Variants in DAP3 observed in about 807,000 individuals in gnomAD.
DAP3 encodes the protein death associated protein 3.
In DAP3, 28 loss-of-function variants were observed where a neutral mutation model predicts 51.9. The observed-to-expected ratio is 0.54, with a 90% CI of 0.40 to 0.74. The LOEUF is 0.74. Among genes scored for constraint, DAP3 ranks in the 30% least tolerant of loss-of-function variants. DAP3 has a pLI of 0.00. For synonymous variants in DAP3, 170 were observed against 170.3 expected (o/e 1.00, Z 0.01); for missense variants, 458 against 483.5 (o/e 0.95, Z 0.49).
At chr1:155,722,039 A>T in intron 4 of DAP3, 1 of 207,436 alleles carries the variant, frequency 4.8e-6, no homozygotes, top group Non-Finnish European at 9.8e-6. Context: ...TGTGCAGGTG[A>T]GTTTTAGCAT....
chr1:155,714,930 C>T (rs922724606), intron 2 of DAP3, among the ~76,000 whole-genome samples: 5 of 150,730 alleles, frequency 3.3e-5, no homozygotes, highest in Admixed American at 6.6e-5. Flanking sequence ...AGGCTGGGCA[C>T]GGTGGCTCAC....
At chr1:155,707,633 C>G (rs1051268451) in intron 1 of DAP3, among the ~76,000 whole-genome samples, 1 of 152,048 alleles carries the variant, frequency 6.6e-6, no homozygotes. Context: ...ATCCATTATC[C>G]AGTGTTAGTT....
At chr1:155,695,771 T>C (rs1423202375) in intron 1 of DAP3, among the ~76,000 whole-genome samples, 2 of 152,212 alleles carry the variant, frequency 1.3e-5, no homozygotes, top group Non-Finnish European at 2.9e-5. Context: ...TTTAGCTCTT[T>C]GGACTGAGGA....
In DAP3 at chr1:155,738,406, C is replaced by A; in HGVS notation, c.*164C>A. ...TGGACCTGCATTAAAATGGGTTTCA[C>A]TGTGAATGCGTGACAATAAGATATT... On this transcript the variant is annotated 3_prime_UTR_variant, in exon 13 of 13. Coordinates refer to ENST00000368336, the MANE Select transcript of DAP3 (RefSeq NM_004632.4). The A allele has an allele frequency of 1.8e-6, 1 of 567,054 alleles. No individual in the cohort carries two copies. Among genetic ancestry groups the A allele is most frequent in the Non-Finnish European group, 3.0e-6 (1 of 329,064 alleles). The allele number at this position is 567,054 out of a possible 1,614,324, so 35.1% of individuals were successfully genotyped here.
upstream of DAP3, chr1:155,688,462 C>T (rs1446525132): frequency 3.2e-6 from 5 of 1,549,854 alleles, no homozygotes; most frequent in African/African-American, 1.4e-5. Context: ...CGACTCCGGC[C>T]ATGTAGCGCG....
chr1:155,688,574 C>A (rs1427654619), upstream of DAP3: 4 of 1,537,514 alleles, frequency 2.6e-6, no homozygotes, highest in South Asian at 2.4e-5. Flanking sequence ...CCCGTACGCG[C>A]TCACCCACGG....
Position 155,727,593 on chromosome 1 carries a change from C to G in DAP3, c.473-15C>G, listed in dbSNP as rs779631240. 1 of 1,607,892 alleles carries G rather than the reference C, an allele frequency of 6.2e-7. No homozygotes were observed. The highest frequency in any genetic ancestry group is 8.5e-7 in the Non-Finnish European group (1 of 1,177,346). ...TTCTGCCTGGCTTGTTTTCTTCTGC[C>G]TCTTTTTTTTAAAGCTCATCTTTGG... On this transcript the variant is annotated splice_polypyrimidine_tract_variant and intron_variant, in intron 6 of 12. Transcript: ENST00000368336.
chr1:155,708,963 A>G (rs896411212), intron 1 of DAP3: 4 of 151,990 alleles, frequency 2.6e-5, no homozygotes, highest in African/African-American at 9.7e-5. Flanking sequence ...GGCCTCCCAA[A>G]GTGCTGGGAT....
chr1:155,692,102 T>C (rs1653900919), intron 1 of DAP3, among the ~76,000 whole-genome samples: 2 of 141,934 alleles, frequency 1.4e-5, no homozygotes. Context: ...TGAATCTCCT[T>C]TGTGCTTAAA....
At chr1:155,727,418 T>G (rs1409199998) in intron 6 of DAP3, 190 bp from the exon 7 acceptor site, 2 of 451,062 alleles carry the variant, frequency 4.4e-6, no homozygotes. Flanking sequence ...TACAGTGAAC[T>G]GTGATCACAT....
intron 7 of DAP3, among the ~76,000 whole-genome samples, chr1:155,728,563 A>G (rs1658852447): frequency 6.6e-6 from 1 of 151,942 alleles, no homozygotes; most frequent in South Asian, 2.1e-4. Context: ...TATGGTCTCA[A>G]AAAAAAGATA....
At chr1:155,702,913 G>A (rs529999417) in intron 1 of DAP3, among the ~76,000 whole-genome samples, 45 of 152,316 alleles carry the variant, frequency 3.0e-4, no homozygotes, top group African/African-American at 1.1e-3. Context: ...AGGTTGCAGT[G>A]AGCTGAGATG....
In DAP3 at chr1:155,729,306, C is replaced by T. The variant is rs569405423; in HGVS notation, c.783C>T (p.Ala261=). 43 of 1,614,074 alleles carry T rather than the reference C, an allele frequency of 2.7e-5. No individual in the cohort carries two copies. The Admixed American group carries it at 3.7e-4, about 14-fold the overall frequency. The change falls in exon 9 of 13, where the codon GCC becomes GCT. Residue 261 remains alanine (A), a synonymous_variant. Transcript: ENST00000368336. ...TGGGTATGTTTCACCTCCTAGTGGC[C>T]GTGGATGGAATCAATGCTCTTTGGG... is the stretch of plus-strand genomic sequence containing the variant. The part of the protein sequence containing the change: ...SSLGMFHLLV[A]VDGINALWGR...
chr1:155,731,808 T>C, intron 10 of DAP3, 136 bp from the exon 11 acceptor site: 1 of 767,632 alleles, frequency 1.3e-6, no homozygotes, highest in Non-Finnish European at 2.0e-6. Flanking sequence ...ACCAATTTAG[T>C]TGCCATTTAA....
chr1:155,703,190 G>A (rs1655524965), intron 1 of DAP3, among the ~76,000 whole-genome samples: 1 of 152,094 alleles, frequency 6.6e-6, no homozygotes, highest in African/African-American at 2.4e-5. Flanking sequence ...TTTTCACGCT[G>A]CTGATAAAGA....
chr1:155,721,042 A>T (rs1657937234), intron 3 of DAP3, among the ~76,000 whole-genome samples: 1 of 150,338 alleles, frequency 6.7e-6, no homozygotes, highest in Non-Finnish European at 1.5e-5. Context: ...GTCTCAAAAA[A>T]AAAAGAAGAC....
At chr1:155,728,643 T>C (rs574153004) in intron 7 of DAP3, among the ~76,000 whole-genome samples, 55 of 152,190 alleles carry the variant, frequency 3.6e-4, no homozygotes, top group Admixed American at 3.2e-3. Context: ...GCAGATCACC[T>C]GAGGTCAGGA....
At chr1:155,703,683 G>C (rs1345429415) in intron 1 of DAP3, among the ~76,000 whole-genome samples, 1 of 152,052 alleles carries the variant, frequency 6.6e-6, no homozygotes, top group East Asian at 1.9e-4. Context: ...GACTACAGGC[G>C]CCCGCCACCA....
chr1:155,688,373 G>A (rs769104797), upstream of DAP3: 10 of 1,544,756 alleles, frequency 6.5e-6, no homozygotes, highest in Non-Finnish European at 8.7e-6. Context: ...CAGAGGGAGG[G>A]AGCTAAGGGC....
Sources: allele counts gnomAD v4.1 joint callset (sites outside exome capture counted in the v4.1 genomes callset), GRCh38; gene constraint gnomAD v4.1.1; transcripts MANE v1.5; gene names NCBI Gene and HGNC (gene_info 2026-07-23, HGNC 2026-07-21).